The following SCFD1 variants were observed in gnomAD, a reference collection of about 807,000 sequenced individuals.
SCFD1 encodes sec1 family domain containing 1.
SCFD1 carries 37 observed loss-of-function variants against 103.2 expected under a neutral mutation model. The ratio of observed to expected loss-of-function variants is 0.36; its 90% CI spans 0.28 to 0.47. The LOEUF is 0.47. Among genes scored for constraint, SCFD1 ranks in the 20% least tolerant of loss-of-function variants. The probability of loss-of-function intolerance (pLI) is 1.00; values close to 1 mark genes in which losing one functional copy is unlikely to be tolerated. For missense variants in SCFD1, 639 were observed against 761.2 expected, an observed-to-expected ratio of 0.84 and a Z score of 1.89; for synonymous variants, 264 against 245.0, an observed-to-expected ratio of 1.08 and a Z score of -0.73.
rs767908380 is a variant in SCFD1 at position 30,673,986 on chromosome 14, A to G, written c.1149A>G (p.Thr383=). 2 of 1,612,804 alleles carry G rather than the reference A, an allele frequency of 1.2e-6. No individual in the cohort carries two copies. Among genetic ancestry groups the G allele is most frequent in the Non-Finnish European group, 1.7e-6 (2 of 1,178,964 alleles). Residue 383 remains threonine, a synonymous_variant, in exon 13 of 25, where the codon ACA becomes ACG. Transcript: ENST00000458591. The stretch of plus-strand genomic sequence containing the variant: ...TTTCTGACAATACCGCTAAGCTAAC[A>G]TCAGCTGTTAGGTAAGTGAGCAGTA... ...SMLSDNTAKL[T]SAVSSLPELL...
In SCFD1 at chr14:30,675,730, T is replaced by G. The variant is rs1888979290; in HGVS notation, c.1242+665T>G. The stretch of plus-strand genomic sequence containing the variant: ...GCTAATATTGACCCCTCCTTTCCAT[T>G]TTATATGATGCATTTGAAACTGTTT... On this transcript the variant is annotated intron_variant, in intron 14 of 24. Transcript: ENST00000458591. Among the ~76,000 whole-genome samples the G allele has an allele frequency of 2.0e-5, 3 of 152,170 alleles. No homozygotes were observed. The South Asian group carries it at 6.2e-4, about 31-fold the overall frequency.
At chr14:30,646,745 G>A (rs1885870758) in intron 7 of SCFD1, among the ~76,000 whole-genome samples, 1 of 152,098 alleles carries the variant, frequency 6.6e-6, no homozygotes, top group Non-Finnish European at 1.5e-5. Context: ...AATCCATCTG[G>A]TCCAGGGCTT....
At chr14:30,680,662 C>A (rs1399364007) in intron 14 of SCFD1, among the ~76,000 whole-genome samples, 17 of 152,144 alleles carry the variant, frequency 1.1e-4, no homozygotes, top group African/African-American at 3.6e-4. Flanking sequence ...GGTTTGGTGG[C>A]ATGCACCTGT....
chr14:30,632,985 A>G lies in SCFD1; in HGVS notation c.222-962A>G, dbSNP rs141003103. Among the ~76,000 whole-genome samples the G allele has an allele frequency of 3.7e-3, 556 of 152,308 alleles. 5 individuals are homozygous for G. Among genetic ancestry groups the G allele is most frequent in the African/African-American group, 0.013 (523 of 41,568 alleles). On this transcript the variant is annotated intron_variant, in intron 3 of 24. Transcript: ENST00000458591. ...TGAACTCTTGTGTACTTTGCCTCCAACCATTCTCCTCTATTTGCTGGAGAA... is the reference window on the plus strand; with the variant it reads ...TGAACTCTTGTGTACTTTGCCTCCAGCCATTCTCCTCTATTTGCTGGAGAA...
chr14:30,627,615 G>A (rs983091082), intron 1 of SCFD1, among the ~76,000 whole-genome samples: 5 of 151,710 alleles, frequency 3.3e-5, no homozygotes, highest in Non-Finnish European at 5.9e-5. Context: ...GCATGGCAGC[G>A]CATGCCTGTA....
chr14:30,702,729 C>T (rs555906965), intron 17 of SCFD1, among the ~76,000 whole-genome samples: 1 of 151,956 alleles, frequency 6.6e-6, no homozygotes, highest in Non-Finnish European at 1.5e-5. Context: ...TAGAAAATAC[C>T]ATGCCAAGGA....
chr14:30,650,793 ATTG>A, intron 9 of SCFD1, 143 bp downstream of exon 9: 1 of 530,066 alleles, frequency 1.9e-6, no homozygotes, highest in Non-Finnish European at 3.4e-6. Flanking sequence ...TTTGACTCAT[ATTG>A]TTCTTAAAAT....
At chr14:30,635,901 G>A (rs1884673439) in intron 4 of SCFD1, among the ~76,000 whole-genome samples, 3 of 152,152 alleles carry the variant, frequency 2.0e-5, no homozygotes, top group African/African-American at 7.2e-5. Flanking sequence ...GATTTCTCCA[G>A]ATCCTTGCTG....
At chr14:30,632,046 G>GAAA (rs61645782) in intron 3 of SCFD1, among the ~76,000 whole-genome samples, 42 of 70,240 alleles carry the variant, frequency 6.0e-4, no homozygotes, top group Non-Finnish European at 8.4e-4. Flanking sequence ...AGATTCTGTT[G>GAAA]AAAAAAAAAA....
intron 14 of SCFD1, among the ~76,000 whole-genome samples, chr14:30,684,177 A>T (rs1371238130): frequency 6.6e-6 from 1 of 152,192 alleles, no homozygotes; most frequent in Non-Finnish European, 1.5e-5. Flanking sequence ...ACTTACCTGT[A>T]CTTCTCAGAT....
At chr14:30,654,455 C>T (rs184260816) in intron 10 of SCFD1, among the ~76,000 whole-genome samples, 1 of 152,350 alleles carries the variant, frequency 6.6e-6, no homozygotes, top group Admixed American at 6.5e-5. Context: ...AGGCGGATCA[C>T]ATGAGGCCAG....
chr14:30,644,612 A>AT, intron 7 of SCFD1, among the ~76,000 whole-genome samples: 1 of 152,020 alleles, frequency 6.6e-6, no homozygotes, highest in East Asian at 1.9e-4. Flanking sequence ...GATGTTGAGC[A>AT]TTTTTTCATA....
At chr14:30,722,459 T>G (rs749995902) in intron 22 of SCFD1, 35 bp from the exon 23 acceptor site, 1 of 1,503,168 alleles carries the variant, frequency 6.7e-7, no homozygotes, top group Non-Finnish European at 9.1e-7. Context: ...GACTAAAAAC[T>G]GTGTTTTTTT....
intron 15 of SCFD1, among the ~76,000 whole-genome samples, chr14:30,695,613 A>T (rs1227433866): frequency 6.6e-6 from 1 of 152,216 alleles, no homozygotes; most frequent in Non-Finnish European, 1.5e-5. Flanking sequence ...TCATACCTGT[A>T]ATCCCAGTAC....
chr14:30,649,922 C>T (rs186669223), intron 8 of SCFD1, among the ~76,000 whole-genome samples: 6 of 152,186 alleles, frequency 3.9e-5, no homozygotes, highest in Non-Finnish European at 7.4e-5. Flanking sequence ...CTTCATTTAG[C>T]AAATATTACT....
intron 10 of SCFD1, among the ~76,000 whole-genome samples, chr14:30,665,734 G>A (rs1445050022): frequency 1.3e-5 from 2 of 151,986 alleles, no homozygotes; most frequent in Non-Finnish European, 1.5e-5. Flanking sequence ...AAAAGCAGGG[G>A]TTGCAATCCT....
chr14:30,683,827 G>A (rs191669907), intron 14 of SCFD1, among the ~76,000 whole-genome samples: 41 of 152,316 alleles, frequency 2.7e-4, no homozygotes, highest in Non-Finnish European at 3.5e-4. Flanking sequence ...TGGTAGAAAG[G>A]AGGTATAACT....
rs1888789695 is a variant in SCFD1 at position 30,673,951 on chromosome 14, A to G, written c.1114A>G (p.Ile372Val). 6.2e-7 allele frequency: 1 copy of G among 1,613,826 alleles called. No homozygotes were observed. Among genetic ancestry groups the G allele is most frequent in the Non-Finnish European group, 8.5e-7 (1 of 1,179,806 alleles). Residue 372 changes from isoleucine (I) to valine (V), a missense_variant, in exon 13 of 25, where the codon ATA becomes GTA. Ile to Val is a conservative substitution (Grantham distance 29). Coordinates refer to ENST00000458591, the MANE Select transcript of SCFD1 (RefSeq NM_016106.4). ...MGLEGEDEGAISMLSDNTAKL... is the reference protein window; with the variant it reads ...MGLEGEDEGAVSMLSDNTAKL... ...ACTAGAAGGGGAAGATGAAGGAGCC[A>G]TAAGTATGCTTTCTGACAATACCGC...
intron 23 of SCFD1, among the ~76,000 whole-genome samples, chr14:30,724,370 A>C (rs1242390226): frequency 6.8e-6 from 1 of 147,006 alleles, no homozygotes; most frequent in African/African-American, 2.5e-5. Flanking sequence ...CTCCTGCCTC[A>C]GCCTCTCAAG....
Sources: allele counts gnomAD v4.1 joint callset (sites outside exome capture counted in the v4.1 genomes callset), GRCh38; gene constraint gnomAD v4.1.1; transcripts MANE v1.5; gene names NCBI Gene and HGNC (gene_info 2026-07-23, HGNC 2026-07-21).